The following OR1I1 variants were observed in gnomAD, a reference collection of about 807,000 sequenced individuals.
OR1I1 encodes the protein olfactory receptor family 1 subfamily I member 1.
For synonymous variants in OR1I1, 171 were observed against 181.4 expected (o/e 0.94, Z 0.46); for missense variants, 451 against 443.6 (o/e 1.02, Z -0.15).
At chr19:15,085,980 G>A (rs1415499240) in intron 1 of OR1I1, among the ~76,000 whole-genome samples, 1 of 152,068 alleles carries the variant, frequency 6.6e-6, no homozygotes, top group Non-Finnish European at 1.5e-5. Flanking sequence ...TATTGTTGGT[G>A]GAAGGATGAA....
In OR1I1 at chr19:15,090,459, C is replaced by G. The variant is rs554243891; in HGVS notation, c.*2326C>G. 1 of 152,250 alleles carries G rather than the reference C, an allele frequency of 6.6e-6. No individual in the cohort carries two copies. The highest frequency in any genetic ancestry group is 2.1e-4 in the South Asian group (1 of 4,830). 9.4% of individuals were successfully genotyped at this position (152,250 alleles called of 1,614,324 possible). On this transcript the variant is annotated 3_prime_UTR_variant, in exon 2 of 2. Coordinates refer to ENST00000641398, the MANE Select transcript of OR1I1 (RefSeq NM_001004713.2). The stretch of plus-strand genomic sequence containing the variant: ...CAGTGATCTGCCCACCTCAGCCTCC[C>G]AAAGTGCTGGGATTACAAGCGTGGG...
rs1390540690 is a variant in OR1I1, at chr19:15,092,103, TTTTTTTTGGTTTTTGGTTG to T, written c.*3978_*3996del. On this transcript the variant is annotated 3_prime_UTR_variant, in exon 2 of 2. Coordinates refer to ENST00000641398, the MANE Select transcript of OR1I1 (RefSeq NM_001004713.2). ...TTTAAAACGCTTTTTTTTTTTTTTTTTTTTTTTGGTTTTTGGTTGTTTTTTTTTTTTCCCCGGAAACTTG... is the reference window on the plus strand; with the variant it reads ...TTTAAAACGCTTTTTTTTTTTTTTTTTTTTTTTTTTTTCCCCGGAAACTTG... 0.27 allele frequency: 23,380 copies of T among 86,428 alleles called. 2,757 individuals are homozygous for T. The highest frequency in any genetic ancestry group is 0.41 in the Non-Finnish European group (16,010 of 38,970). 5.4% of individuals were successfully genotyped at this position (86,428 alleles called of 1,614,324 possible). A position where few individuals can be genotyped will look rare whatever the true frequency, so the allele number is the denominator to read the frequency against.
chr19:15,085,130 TTATATATATATATATA>T lies in OR1I1; in HGVS notation c.-13-1891_-13-1876del, dbSNP rs775570074. ...TAGGTATGTTCAATGCATTTTTGAC[TTATATATATATATATA>T]TATATATATATATATATATATATAT... On this transcript the variant is annotated intron_variant, in intron 1 of 1. Transcript: ENST00000641398. Among the ~76,000 whole-genome samples, 7 of 28,540 alleles carry T rather than the reference TTATATATATATATATA, an allele frequency of 2.5e-4. No individual in the cohort carries two copies. In the Admixed American group the frequency reaches 2.6e-3, roughly 11 times the overall value. The allele number at this position is 28,540 out of a possible 152,430, so 18.7% of individuals were successfully genotyped here.
In OR1I1 at chr19:15,088,802, T is replaced by TAGATAGATAGACAGAC. The variant is rs1555717782; in HGVS notation, c.*680_*681insCAGACAGATAGATAGA. On this transcript the variant is annotated 3_prime_UTR_variant, in exon 2 of 2. Coordinates refer to ENST00000641398, the MANE Select transcript of OR1I1 (RefSeq NM_001004713.2). ...ATAGATAGATAGATAGATAGATAGA[T>TAGATAGATAGACAGAC]AGATAGATAGATAGATAGATATACA... 2 of 132,164 alleles carry TAGATAGATAGACAGAC rather than the reference T, an allele frequency of 1.5e-5. No homozygotes were observed. Among genetic ancestry groups the TAGATAGATAGACAGAC allele is most frequent in the Non-Finnish European group, 1.6e-5 (1 of 61,400 alleles). 8.2% of individuals were successfully genotyped at this position (132,164 alleles called of 1,614,324 possible).
chr19:15,086,205 T>C (rs1158957734), intron 1 of OR1I1, among the ~76,000 whole-genome samples: 1 of 151,908 alleles, frequency 6.6e-6, no homozygotes, highest in Non-Finnish European at 1.5e-5. Context: ...TCCCCGCTAC[T>C]TGGGAGGCTG....
chr19:15,091,142 A>C lies in OR1I1; in HGVS notation c.*3009A>C, dbSNP rs1045998035. The C allele has an allele frequency of 6.6e-6, 1 of 152,188 alleles. No individual in the cohort carries two copies. The highest frequency in any genetic ancestry group is 2.4e-5 in the African/African-American group (1 of 41,438). 9.4% of individuals were successfully genotyped at this position (152,188 alleles called of 1,614,324 possible). A position where few individuals can be genotyped will look rare whatever the true frequency, so the allele number is the denominator to read the frequency against. On this transcript the variant is annotated 3_prime_UTR_variant, in exon 2 of 2. Coordinates refer to ENST00000641398, the MANE Select transcript of OR1I1 (RefSeq NM_001004713.2). ...GACAACCGAGATTTATTATCTGAAC[A>C]ATGCTAACTCCTTTATATGCACAAT... is the stretch of plus-strand genomic sequence containing the variant.
rs923336969 is a variant in OR1I1 at position 15,092,243 on chromosome 19, G to A, written c.*4110G>A. 2 of 151,882 alleles carry A rather than the reference G, an allele frequency of 1.3e-5. No individual in the cohort carries two copies. The highest frequency in any genetic ancestry group is 3.9e-4 in the East Asian group (2 of 5,194). The allele number at this position is 151,882 out of a possible 1,614,324, so 9.4% of individuals were successfully genotyped here. Reference sequence around the variant, plus strand: ...TGCAAAGTTTCCATGATGAGAAGGAGCCTGTGTTGTTTAAAGAAATCACGG... The same window carrying A: ...TGCAAAGTTTCCATGATGAGAAGGAACCTGTGTTGTTTAAAGAAATCACGG... On this transcript the variant is annotated 3_prime_UTR_variant, in exon 2 of 2. Coordinates refer to ENST00000641398, the MANE Select transcript of OR1I1 (RefSeq NM_001004713.2).
At chr19:15,085,372 G>C (rs920797615) in intron 1 of OR1I1, among the ~76,000 whole-genome samples, 2 of 151,378 alleles carry the variant, frequency 1.3e-5, no homozygotes, top group African/African-American at 2.4e-5. Flanking sequence ...GCTTCACCTT[G>C]TTGGCCAGGC....
chr19:15,091,129 T>C lies in OR1I1; in HGVS notation c.*2996T>C, dbSNP rs976288477. On this transcript the variant is annotated 3_prime_UTR_variant, in exon 2 of 2. Transcript: ENST00000641398. ...CAATAATGATGATGACAACCGAGAT[T>C]TATTATCTGAACAATGCTAACTCCT... 5.3e-5 allele frequency: 8 copies of C among 152,152 alleles called. No individual in the cohort carries two copies. The highest frequency in any genetic ancestry group is 1.9e-4 in the African/African-American group (8 of 41,422). The allele number at this position is 152,152 out of a possible 1,614,324, so 9.4% of individuals were successfully genotyped here.
In OR1I1 at chr19:15,090,582, T is replaced by C. The variant is rs1179903107; in HGVS notation, c.*2449T>C. The C allele has an allele frequency of 6.6e-6, 1 of 152,138 alleles. No individual in the cohort carries two copies. Among genetic ancestry groups the C allele is most frequent in the Non-Finnish European group, 1.5e-5 (1 of 68,044 alleles). 9.4% of individuals were successfully genotyped at this position (152,138 alleles called of 1,614,324 possible). On this transcript the variant is annotated 3_prime_UTR_variant, in exon 2 of 2. Coordinates refer to ENST00000641398, the MANE Select transcript of OR1I1 (RefSeq NM_001004713.2). ...GTTTAAGTCACCTAGTTCATGGTAA[T>C]TTTTAAATTTTTTTTTCTTTTAGAG...
Position 15,087,144 on chromosome 19 carries a change from C to G in OR1I1, c.79C>G (p.Leu27Val), listed in dbSNP as rs767110629. ...AGAAAAGCCAGAGCATCAGACCCTC[C>G]TCTTCACAATGTTCCTCTCCACATA... ...LSEKPEHQTLLFTMFLSTYLV... is the reference protein window; with the variant it reads ...LSEKPEHQTLVFTMFLSTYLV... The change falls in exon 2 of 2, where the codon CTC (leucine) becomes GTC (valine). Residue 27 changes from leucine (L) to valine (V), a missense_variant. Transcript: ENST00000641398. The G allele has an allele frequency of 6.2e-7, 1 of 1,614,024 alleles. No homozygotes were observed. Among genetic ancestry groups the G allele is most frequent in the East Asian group, 2.2e-5 (1 of 44,892 alleles).
At chr19:15,082,525 G>A (rs957202916) in intron 1 of OR1I1, among the ~76,000 whole-genome samples, 1 of 152,106 alleles carries the variant, frequency 6.6e-6, no homozygotes, top group Admixed American at 6.6e-5. Context: ...AGTGGACAAA[G>A]CACGCAGACG....
chr19:15,087,012 C>T, intron 1 of OR1I1, 41 bp from the exon 2 acceptor site: 1 of 1,552,228 alleles, frequency 6.4e-7, no homozygotes, highest in Non-Finnish European at 8.7e-7. Context: ...ATCTCTGACA[C>T]CTGGCTCTGT....
In OR1I1 at chr19:15,088,260, A is replaced by C. The variant is rs918262096; in HGVS notation, c.*127A>C. ...AAAAAGATCAGAATAGCAAGGATCAAACTGGCCTGAAATTAGCCCTCCTGG... is the reference window on the plus strand; with the variant it reads ...AAAAAGATCAGAATAGCAAGGATCACACTGGCCTGAAATTAGCCCTCCTGG... On this transcript the variant is annotated 3_prime_UTR_variant, in exon 2 of 2. Coordinates refer to ENST00000641398, the MANE Select transcript of OR1I1 (RefSeq NM_001004713.2). The C allele has an allele frequency of 8.1e-7, 1 of 1,227,530 alleles. No individual in the cohort carries two copies. The highest frequency in any genetic ancestry group is 1.5e-5 in the African/African-American group (1 of 65,710). The allele number at this position is 1,227,530 out of a possible 1,614,324, so 76.0% of individuals were successfully genotyped here. A position where few individuals can be genotyped will look rare whatever the true frequency, so the allele number is the denominator to read the frequency against.
At chr19:15,086,610 C>T (rs974384823) in intron 1 of OR1I1, among the ~76,000 whole-genome samples, 2 of 151,852 alleles carry the variant, frequency 1.3e-5, no homozygotes, top group Non-Finnish European at 2.9e-5. Flanking sequence ...CCCACCACCA[C>T]GCCTGATTAA....
chr19:15,088,143 G>A lies in OR1I1; in HGVS notation c.*10G>A, dbSNP rs1208888903. The A allele has an allele frequency of 2.6e-6, 4 of 1,538,212 alleles. No homozygotes were observed. Among genetic ancestry groups the A allele is most frequent in the East Asian group, 2.5e-5 (1 of 40,772 alleles). On this transcript the variant is annotated 3_prime_UTR_variant, in exon 2 of 2. Coordinates refer to ENST00000641398, the MANE Select transcript of OR1I1 (RefSeq NM_001004713.2). ...CAGAGACATGGAATAAATCCTTCCA[G>A]TACAACGTGATAAATGTGTCATAAA... is the stretch of plus-strand genomic sequence containing the variant.
At position 15,091,393 on chromosome 19, in the gene OR1I1, C is replaced by T. The variant is rs1370756767; in HGVS notation, c.*3260C>T. ...ACGAAAATTAGGCCGGGCACAGTGG[C>T]TCATGCCTGTAATCCCAGAACTTTG... is the stretch of plus-strand genomic sequence containing the variant. On this transcript the variant is annotated 3_prime_UTR_variant, in exon 2 of 2. Coordinates refer to ENST00000641398, the MANE Select transcript of OR1I1 (RefSeq NM_001004713.2). The T allele has an allele frequency of 1.3e-5, 2 of 152,256 alleles. No individual in the cohort carries two copies. The highest frequency in any genetic ancestry group is 4.8e-5 in the African/African-American group (2 of 41,454). 9.4% of individuals were successfully genotyped at this position (152,256 alleles called of 1,614,324 possible). A position where few individuals can be genotyped will look rare whatever the true frequency, so the allele number is the denominator to read the frequency against.
In OR1I1 at chr19:15,088,635, G is replaced by A. The variant is rs115742400; in HGVS notation, c.*502G>A. 3.2e-3 allele frequency: 523 copies of A among 162,388 alleles called. 1 individual carries two copies. The highest frequency in any genetic ancestry group is 0.012 in the African/African-American group (499 of 41,542). The allele number at this position is 162,388 out of a possible 1,614,324, so 10.1% of individuals were successfully genotyped here. ...TGCACCACTGCACTTCAGCAGTTTG[G>A]GAAACTGAGCAAGATCTGTCACTCA... On this transcript the variant is annotated 3_prime_UTR_variant, in exon 2 of 2. Coordinates refer to ENST00000641398, the MANE Select transcript of OR1I1 (RefSeq NM_001004713.2).
In OR1I1 at chr19:15,089,471, G is replaced by A. The variant is rs1263190703; in HGVS notation, c.*1338G>A. 6.6e-6 allele frequency: 1 copy of A among 152,164 alleles called. No individual in the cohort carries two copies. The highest frequency in any genetic ancestry group is 1.5e-5 in the Non-Finnish European group (1 of 68,056). 9.4% of individuals were successfully genotyped at this position (152,164 alleles called of 1,614,324 possible). On this transcript the variant is annotated 3_prime_UTR_variant, in exon 2 of 2. Coordinates refer to ENST00000641398, the MANE Select transcript of OR1I1 (RefSeq NM_001004713.2). ...ACGCAGGGTCAGCCACAGCAGATCAGGTGGCCCGGGGCACTTAAAAAGTTA... is the reference window on the plus strand; with the variant it reads ...ACGCAGGGTCAGCCACAGCAGATCAAGTGGCCCGGGGCACTTAAAAAGTTA...
Sources: allele counts gnomAD v4.1 joint callset (sites outside exome capture counted in the v4.1 genomes callset), GRCh38; gene constraint gnomAD v4.1.1; transcripts MANE v1.5; gene names NCBI Gene and HGNC (gene_info 2026-07-23, HGNC 2026-07-21).